Variants in CACNG5 observed in about 807,000 individuals in gnomAD.
The protein encoded by CACNG5 is calcium voltage-gated channel auxiliary subunit gamma 5.
In CACNG5, 18 loss-of-function variants were observed where a neutral mutation model predicts 24.8. That is an observed-to-expected ratio of 0.73 (90% CI 0.50 to 1.08). CACNG5 has a LOEUF of 1.08. Among genes scored for constraint, CACNG5 ranks in the 50% least tolerant of loss-of-function variants. The pLI is 0.00. For missense variants in CACNG5, 349 were observed against 367.9 expected (o/e 0.95, Z 0.42); for synonymous variants, 157 against 149.1 (o/e 1.05, Z -0.39).
intron 1 of CACNG5, among the ~76,000 whole-genome samples, chr17:66,863,097 T>C (rs1450290474): frequency 6.6e-6 from 1 of 152,208 alleles, no homozygotes; most frequent in Non-Finnish European, 1.5e-5. Context: ...GATGGTTTAC[T>C]TCTAGCCCTT....
Position 66,892,095 on chromosome 17 carries a change from G to A in CACNG5, c.*6855G>A, listed in dbSNP as rs1326850287. ...TTCTGAGTCTGGCTGGGGAGTGGTG[G>A]CATCCCAAACAAAATGCAAGAAAAG... On this transcript the variant is annotated 3_prime_UTR_variant, in exon 6 of 6. Coordinates refer to ENST00000533854, the MANE Select transcript of CACNG5 (RefSeq NM_145811.3). Among the ~76,000 whole-genome samples the A allele has an allele frequency of 6.6e-6, 1 of 152,230 alleles. No homozygotes were observed. Among genetic ancestry groups the A allele is most frequent in the Non-Finnish European group, 1.5e-5 (1 of 68,034 alleles).
chr17:66,844,260 G>A (rs888082484), intron 1 of CACNG5, among the ~76,000 whole-genome samples: 11 of 152,160 alleles, frequency 7.2e-5, no homozygotes, highest in African/African-American at 2.7e-4. Context: ...ATTAGCTTGG[G>A]AATTCAAACC....
At position 66,861,840 on chromosome 17, in the gene CACNG5, C is replaced by T. The variant is rs754263116; in HGVS notation, c.-103-15390C>T. Among the ~76,000 whole-genome samples the T allele has an allele frequency of 5.3e-5, 8 of 152,200 alleles. No homozygotes were observed. The East Asian group carries it at 7.7e-4, about 15-fold the overall frequency. On this transcript the variant is annotated intron_variant, in intron 1 of 5. Transcript: ENST00000533854. ...GCCAACAGTTAAGACTTAATGTCAC[C>T]GAATTATGAAGTTTGCCACCCCCGT...
chr17:66,868,771 C>T (rs1264830690), intron 1 of CACNG5, among the ~76,000 whole-genome samples: 1 of 152,174 alleles, frequency 6.6e-6, no homozygotes, highest in Non-Finnish European at 1.5e-5. Context: ...TCTTTGTCTA[C>T]TGAGACGCCA....
chr17:66,882,752 G>T (rs945141584), intron 4 of CACNG5, among the ~76,000 whole-genome samples: 4 of 152,034 alleles, frequency 2.6e-5, no homozygotes, highest in African/African-American at 9.7e-5. Context: ...TGGATGGATG[G>T]ATTGGTGAGT....
chr17:66,855,337 C>A (rs7208882), intron 1 of CACNG5, among the ~76,000 whole-genome samples: 2 of 152,250 alleles, frequency 1.3e-5, no homozygotes, highest in East Asian at 3.9e-4. Flanking sequence ...GCCCCAGGCC[C>A]GGGGCCTCTG....
In CACNG5 at chr17:66,890,813, A is replaced by C. The variant is rs1206062992; in HGVS notation, c.*5573A>C. Among the ~76,000 whole-genome samples, 1 of 152,164 alleles carries C rather than the reference A, an allele frequency of 6.6e-6. No homozygotes were observed. On this transcript the variant is annotated 3_prime_UTR_variant, in exon 6 of 6. Coordinates refer to ENST00000533854, the MANE Select transcript of CACNG5 (RefSeq NM_145811.3). Reference sequence around the variant, plus strand: ...ATCCCCAGACTCTATACCCAACTCTAGAGGCTGTAAGTTTTACAAGCAAAA... The same window carrying C: ...ATCCCCAGACTCTATACCCAACTCTCGAGGCTGTAAGTTTTACAAGCAAAA...
chr17:66,855,890 T>C (rs1281338674), intron 1 of CACNG5, among the ~76,000 whole-genome samples: 1 of 152,242 alleles, frequency 6.6e-6, no homozygotes, highest in East Asian at 1.9e-4. Flanking sequence ...TAACTATTAT[T>C]AATATTTTTA....
intron 1 of CACNG5, among the ~76,000 whole-genome samples, chr17:66,840,755 A>G (rs1401624862): frequency 1.3e-5 from 2 of 152,112 alleles, no homozygotes; most frequent in African/African-American, 4.8e-5. Flanking sequence ...TTCCTTGGGG[A>G]TGGACCGCAG....
chr17:66,878,914 G>T, intron 2 of CACNG5, 58 bp from the exon 3 acceptor site: 1 of 1,379,400 alleles, frequency 7.2e-7, no homozygotes, highest in South Asian at 1.2e-5. Context: ...CATTTGTATG[G>T]ACCAACTTCA....
chr17:66,864,750 A>G (rs1178125243), intron 1 of CACNG5, among the ~76,000 whole-genome samples: 1 of 152,242 alleles, frequency 6.6e-6, no homozygotes, highest in African/African-American at 2.4e-5. Flanking sequence ...TCTTTAAAAG[A>G]AATATCCTGG....
intron 2 of CACNG5, 65 bp downstream of exon 2, chr17:66,877,593 C>A: frequency 1.4e-6 from 2 of 1,396,586 alleles, no homozygotes; most frequent in Non-Finnish European, 2.0e-6. Flanking sequence ...GAGGTCCCTC[C>A]CTGGGAAGAG....
rs1977256601 is a variant in CACNG5 at position 66,886,126 on chromosome 17, C to G, written c.*886C>G. 6.6e-6 allele frequency among the ~76,000 whole-genome samples: 1 copy of G among 152,210 alleles called. No homozygotes were observed. The highest frequency in any genetic ancestry group is 1.5e-5 in the Non-Finnish European group (1 of 68,036). ...TGGTCCTGGGGATACTGTCCCCTTACAAGGGTAATATTTCCGGACCAAGGC... is the reference window on the plus strand; with the variant it reads ...TGGTCCTGGGGATACTGTCCCCTTAGAAGGGTAATATTTCCGGACCAAGGC... On this transcript the variant is annotated 3_prime_UTR_variant, in exon 6 of 6. Coordinates refer to ENST00000533854, the MANE Select transcript of CACNG5 (RefSeq NM_145811.3).
chr17:66,892,078 C>T lies in CACNG5; in HGVS notation c.*6838C>T, dbSNP rs1977352576. On this transcript the variant is annotated 3_prime_UTR_variant, in exon 6 of 6. Transcript: ENST00000533854. ...CTGGGGATAAGGCCACCTTCTGAGT[C>T]TGGCTGGGGAGTGGTGGCATCCCAA... Among the ~76,000 whole-genome samples the T allele has an allele frequency of 6.6e-6, 1 of 152,224 alleles. No individual in the cohort carries two copies. The highest frequency in any genetic ancestry group is 6.5e-5 in the Admixed American group (1 of 15,276).
intron 1 of CACNG5, among the ~76,000 whole-genome samples, chr17:66,851,964 G>A (rs1976713383): frequency 6.6e-6 from 1 of 152,234 alleles, no homozygotes; most frequent in Non-Finnish European, 1.5e-5. Context: ...TTCCAGGTGT[G>A]CCATGAGGGC....
chr17:66,845,981 T>G (rs1037694710), intron 1 of CACNG5, among the ~76,000 whole-genome samples: 1 of 152,038 alleles, frequency 6.6e-6, no homozygotes, highest in East Asian at 1.9e-4. Flanking sequence ...AGGTGATGTG[T>G]GAAAGGGCGT....
intron 1 of CACNG5, among the ~76,000 whole-genome samples, chr17:66,847,320 G>C (rs1439853734): frequency 1.3e-5 from 2 of 152,188 alleles, no homozygotes; most frequent in Non-Finnish European, 2.9e-5. Flanking sequence ...TCATACTGCT[G>C]TGAAGAAATA....
intron 1 of CACNG5, among the ~76,000 whole-genome samples, chr17:66,870,262 G>A (rs538890561): frequency 5.3e-5 from 8 of 152,228 alleles, no homozygotes; most frequent in Non-Finnish European, 1.2e-4. Context: ...CCGAAGGCTC[G>A]ACTGGGCTGG....
rs999565037 is a variant in CACNG5 at position 66,891,255 on chromosome 17, G to C, written c.*6015G>C. 2.6e-5 allele frequency among the ~76,000 whole-genome samples: 4 copies of C among 152,156 alleles called. No homozygotes were observed. The highest frequency in any genetic ancestry group is 9.7e-5 in the African/African-American group (4 of 41,438). The stretch of plus-strand genomic sequence containing the variant: ...CATGCCCATTCCTAAACCACAATCT[G>C]GCAAGGGGAACAGGGTGGCCATGTG... On this transcript the variant is annotated 3_prime_UTR_variant, in exon 6 of 6. Transcript: ENST00000533854.
Sources: allele counts gnomAD v4.1 joint callset (sites outside exome capture counted in the v4.1 genomes callset), GRCh38; gene constraint gnomAD v4.1.1; transcripts MANE v1.5; gene names NCBI Gene and HGNC (gene_info 2026-07-23, HGNC 2026-07-21).